Variants in ZNF362 observed in about 807,000 individuals in gnomAD.
The protein encoded by ZNF362 is rotund homolog.
Under a neutral mutation model 42.9 loss-of-function variants are expected in ZNF362, and 11 were observed. The ratio of observed to expected loss-of-function variants is 0.26; its 90% CI spans 0.16 to 0.42. The LOEUF is 0.42. Ranked by LOEUF, ZNF362 falls within the 20% of genes least tolerant of loss-of-function variation. The probability of loss-of-function intolerance (pLI) is 1.00; values close to 1 mark genes in which losing one functional copy is unlikely to be tolerated. For synonymous variants in ZNF362, 255 were observed against 257.3 expected (o/e 0.99, Z 0.09); for missense variants, 362 against 576.2 (o/e 0.63, Z 3.81).
chr1:33,175,080 C>G, the ZNF362 span, among the ~76,000 whole-genome samples: 12 of 132,672 alleles, frequency 9.0e-5, 1 homozygote, highest in East Asian at 2.3e-3. Flanking sequence ...CACTCTGTCA[C>G]CCAGGCTGGA....
chr1:33,270,546 G>T lies in ZNF362; in HGVS notation c.-29G>T. On this transcript the variant is annotated 5_prime_UTR_variant, in exon 2 of 9. Transcript: ENST00000539719. Reference sequence around the variant, plus strand: ...GGGGTTCAGGGAAAGCTCCGTAGAAGAGGGAACACTTGAGCTGGGTCTTGA... The same window carrying T: ...GGGGTTCAGGGAAAGCTCCGTAGAATAGGGAACACTTGAGCTGGGTCTTGA... 1 of 1,475,618 alleles carries T rather than the reference G, an allele frequency of 6.8e-7. No homozygotes were observed. Among genetic ancestry groups the T allele is most frequent in the Non-Finnish European group, 9.5e-7 (1 of 1,054,916 alleles). The allele number at this position is 1,475,618 out of a possible 1,614,324, so 91.4% of individuals were successfully genotyped here.
chr1:33,286,811 C>T (rs376307882), intron 6 of ZNF362, among the ~76,000 whole-genome samples: 1 of 152,122 alleles, frequency 6.6e-6, no homozygotes, highest in Non-Finnish European at 1.5e-5. Flanking sequence ...TGGCAGAGAA[C>T]CAGGCATCAG....
chr1:33,235,782 G>A, the ZNF362 span, among the ~76,000 whole-genome samples: 4 of 152,206 alleles, frequency 2.6e-5, no homozygotes, highest in East Asian at 1.9e-4. Flanking sequence ...CTGAAGACAG[G>A]CCAGGGTGGG....
the ZNF362 span, chr1:33,165,463 A>T: frequency 6.3e-7 from 1 of 1,589,342 alleles, no homozygotes; most frequent in Non-Finnish European, 8.6e-7. The surrounding 1 kb of genome is among the most constrained non-coding windows in gnomAD (Gnocchi z 4.0). Flanking sequence ...CGCCCCGGCC[A>T]GGCTCACCTT....
chr1:33,257,318 A>C (rs1207814022), intron 1 of ZNF362, among the ~76,000 whole-genome samples: 1 of 151,308 alleles, frequency 6.6e-6, no homozygotes, highest in Non-Finnish European at 1.5e-5. Context: ...TTGCACTTTA[A>C]AGAAAAAAAA....
chr1:33,276,231 G>C, intron 3 of ZNF362, 68 bp downstream of exon 3: 1 of 1,602,990 alleles, frequency 6.2e-7, no homozygotes, highest in Non-Finnish European at 8.5e-7. Context: ...CCTGGGTTTT[G>C]GCTGTGGCCT....
the ZNF362 span, among the ~76,000 whole-genome samples, chr1:33,170,981 CTTCT>C: frequency 6.6e-6 from 1 of 152,206 alleles, no homozygotes; most frequent in Non-Finnish European, 1.5e-5. Flanking sequence ...TCCCTAGTCG[CTTCT>C]TTGTGTCTTC....
At chr1:33,258,862 A>C (rs548351738) in intron 1 of ZNF362, among the ~76,000 whole-genome samples, 1 of 152,310 alleles carries the variant, frequency 6.6e-6, no homozygotes, top group South Asian at 2.1e-4. Flanking sequence ...TATGAACCTC[A>C]TTATAAGGAA....
At chr1:33,149,438 G>T in the ZNF362 span, among the ~76,000 whole-genome samples, 5 of 150,516 alleles carry the variant, frequency 3.3e-5, no homozygotes, top group Non-Finnish European at 5.9e-5. Flanking sequence ...ACAGGCATGA[G>T]CCACTGTGCT....
Position 33,290,515 on chromosome 1 carries a change from A to C in ZNF362, c.909-4422A>C, listed in dbSNP as rs1646070002. Among the ~76,000 whole-genome samples the C allele has an allele frequency of 3.3e-5, 5 of 152,132 alleles. No homozygotes were observed. The South Asian group carries it at 1.0e-3, about 32-fold the overall frequency. On this transcript the variant is annotated intron_variant, in intron 6 of 8. Coordinates refer to ENST00000539719, the MANE Select transcript of ZNF362 (RefSeq NM_152493.3). ...TCTTTGCTATTGTGAATAGTGCCGC[A>C]ATAAACATACGTGTGCATGTGTCTT...
intron 4 of ZNF362, among the ~76,000 whole-genome samples, chr1:33,276,871 A>G (rs1360751348): frequency 1.3e-5 from 2 of 152,232 alleles, no homozygotes; most frequent in East Asian, 1.9e-4. Flanking sequence ...TTAGGTTCAC[A>G]TAGAGAACTT....
At chr1:33,285,485 C>T (rs1025745653) in intron 6 of ZNF362, among the ~76,000 whole-genome samples, 2 of 152,154 alleles carry the variant, frequency 1.3e-5, no homozygotes, top group African/African-American at 4.8e-5. Context: ...TCCCATAAAG[C>T]ATTATCACTA....
At chr1:33,259,486 C>T (rs1645815496) in intron 1 of ZNF362, among the ~76,000 whole-genome samples, 1 of 152,228 alleles carries the variant, frequency 6.6e-6, no homozygotes, top group South Asian at 2.1e-4. Flanking sequence ...TCTTATCTCT[C>T]TGTAAAATGA....
At chr1:33,159,322 CCTA>C in the ZNF362 span, among the ~76,000 whole-genome samples, 6 of 151,886 alleles carry the variant, frequency 4.0e-5, no homozygotes, top group African/African-American at 1.5e-4. The surrounding 1 kb of genome is among the most constrained non-coding windows in gnomAD (Gnocchi z 4.2). Flanking sequence ...TTAAATGCTA[CCTA>C]CTATCTATAA....
chr1:33,256,469 C>CCGCCAA (rs1645791185), upstream of ZNF362: 7 of 170,258 alleles, frequency 4.1e-5, no homozygotes, highest in South Asian at 1.0e-3. Context: ...GCCGCCGCCG[C>CCGCCAA]CGCCTCGGCG....
At chr1:33,226,177 A>T in the ZNF362 span, among the ~76,000 whole-genome samples, 1 of 152,116 alleles carries the variant, frequency 6.6e-6, no homozygotes, top group South Asian at 2.1e-4. Flanking sequence ...TCAGTTTATG[A>T]TTTAAAAAAT....
chr1:33,198,693 C>T, the ZNF362 span, among the ~76,000 whole-genome samples: 5 of 151,856 alleles, frequency 3.3e-5, no homozygotes, highest in Non-Finnish European at 5.9e-5. Context: ...AAAAGTCAAT[C>T]GTCAATCAAT....
chr1:33,152,489 T>C, the ZNF362 span, among the ~76,000 whole-genome samples: 1 of 150,996 alleles, frequency 6.6e-6, no homozygotes, highest in South Asian at 2.1e-4. Flanking sequence ...ATCGCTTGAA[T>C]CTGGGAGGCG....
At chr1:33,172,737 T>C in the ZNF362 span, among the ~76,000 whole-genome samples, 1 of 152,052 alleles carries the variant, frequency 6.6e-6, no homozygotes, top group East Asian at 1.9e-4. Context: ...GAGGCAGGGC[T>C]CAAATGTTCC....
Sources: allele counts gnomAD v4.1 joint callset (sites outside exome capture counted in the v4.1 genomes callset), GRCh38; gene constraint gnomAD v4.1.1; non-coding constraint Gnocchi (gnomAD v3.1); transcripts MANE v1.5; gene names NCBI Gene and HGNC (gene_info 2026-07-23, HGNC 2026-07-21).